ADAM12: variants seen among roughly 807,000 people sequenced by gnomAD.
ADAM12 encodes disintegrin and metalloproteinase domain-containing protein 12.
A neutral mutation model predicts 106.4 loss-of-function variants in ADAM12; 70 were observed. The observed-to-expected ratio is 0.66, with a 90% CI of 0.54 to 0.80. The LOEUF (loss-of-function observed/expected upper bound fraction) is 0.80, where lower values mean the gene tolerates loss of function less well. Among genes scored for constraint, ADAM12 ranks in the 30% least tolerant of loss-of-function variants. The pLI is 0.00. For synonymous variants in ADAM12, 420 were observed against 433.5 expected, an observed-to-expected ratio of 0.97 and a Z score of 0.39; for missense variants, 1,010 against 1,171.9, an observed-to-expected ratio of 0.86 and a Z score of 2.02.
chr10:126,039,656 A>G (rs1238408560), intron 18 of ADAM12, among the ~76,000 whole-genome samples: 2 of 152,228 alleles, frequency 1.3e-5, no homozygotes, highest in African/African-American at 2.4e-5. Flanking sequence ...CTAAACAGGA[A>G]TATATAGTCG....
chr10:126,179,711 G>A (rs762036222), intron 3 of ADAM12, among the ~76,000 whole-genome samples: 49 of 152,136 alleles, frequency 3.2e-4, no homozygotes, highest in Non-Finnish European at 5.6e-4. Context: ...TTAGACCATG[G>A]TTCACATACT....
intron 10 of ADAM12, among the ~76,000 whole-genome samples, chr10:126,097,412 A>G (rs1341059896): frequency 6.6e-6 from 1 of 152,200 alleles, no homozygotes; most frequent in Non-Finnish European, 1.5e-5. Context: ...TACATTAATG[A>G]CCAATCTCTG....
intron 3 of ADAM12, among the ~76,000 whole-genome samples, chr10:126,196,242 A>G (rs1166272149): frequency 6.6e-6 from 1 of 152,268 alleles, no homozygotes; most frequent in Non-Finnish European, 1.5e-5. Context: ...GTTAACTTGC[A>G]GAAGACTGAG....
intron 1 of ADAM12, among the ~76,000 whole-genome samples, chr10:126,364,827 A>C (rs1040501886): frequency 6.6e-6 from 1 of 151,958 alleles, no homozygotes; most frequent in Non-Finnish European, 1.5e-5. Context: ...CCTTCCCTCA[A>C]CTCCTCCCTC....
At chr10:126,208,757 G>A (rs933410975) in intron 3 of ADAM12, among the ~76,000 whole-genome samples, 1 of 151,766 alleles carries the variant, frequency 6.6e-6, no homozygotes, top group Non-Finnish European at 1.5e-5. Flanking sequence ...ACACTTGCAG[G>A]AAAATGCTAT....
intron 3 of ADAM12, among the ~76,000 whole-genome samples, chr10:126,228,344 T>C (rs1958241499): frequency 6.6e-6 from 1 of 152,218 alleles, no homozygotes; most frequent in Non-Finnish European, 1.5e-5. Context: ...ATTAAATGCA[T>C]GATTCCAAGA....
At chr10:126,051,777 G>A (rs1304746264) in intron 14 of ADAM12, among the ~76,000 whole-genome samples, 1 of 152,176 alleles carries the variant, frequency 6.6e-6, no homozygotes, top group Non-Finnish European at 1.5e-5. Flanking sequence ...GGACCAAACT[G>A]GACAAACCTC....
intron 3 of ADAM12, among the ~76,000 whole-genome samples, chr10:126,231,391 GAA>G (rs35139204): frequency 1.3e-4 from 19 of 143,982 alleles, no homozygotes; most frequent in Middle Eastern, 3.6e-3. Context: ...AGATTAGTAG[GAA>G]AAAAAAAAAA....
chr10:126,130,140 C>T (rs1421664032), intron 5 of ADAM12, among the ~76,000 whole-genome samples: 1 of 152,094 alleles, frequency 6.6e-6, no homozygotes, highest in Non-Finnish European at 1.5e-5. Context: ...AATTTTTAAT[C>T]CCCATTTTCT....
At chr10:126,026,565 AAC>A (rs1266788483) in intron 21 of ADAM12, among the ~76,000 whole-genome samples, 2 of 152,204 alleles carry the variant, frequency 1.3e-5, no homozygotes, top group African/African-American at 4.8e-5. Flanking sequence ...CTGAAATCAT[AAC>A]AGTCTGTCAA....
At chr10:126,386,189 T>A (rs1025954544) in intron 1 of ADAM12, among the ~76,000 whole-genome samples, 4 of 151,984 alleles carry the variant, frequency 2.6e-5, no homozygotes, top group Non-Finnish European at 5.9e-5. Flanking sequence ...AGGGAATGAT[T>A]TGCAACTAGA....
chr10:126,266,049 G>T (rs1340698173), intron 3 of ADAM12, among the ~76,000 whole-genome samples: 2 of 152,118 alleles, frequency 1.3e-5, no homozygotes, highest in Non-Finnish European at 2.9e-5. Flanking sequence ...TGGGGGTGGG[G>T]GAGTCTGATA....
At position 126,038,368 on chromosome 10, in the gene ADAM12, C is replaced by A; in HGVS notation, c.2241-19G>T. On this transcript the variant is annotated intron_variant, in intron 19 of 22. Transcript: ENST00000448723. ...CACACACCTGCAACAGAATCCCATA[C>A]CTGCTGACCAAGCGTGTTTCCCCTT... is the stretch of plus-strand genomic sequence containing the variant. The A allele has an allele frequency of 1.9e-6, 3 of 1,539,140 alleles. No homozygotes were observed. Among genetic ancestry groups the A allele is most frequent in the Non-Finnish European group, 2.6e-6 (3 of 1,140,918 alleles).
At chr10:126,371,603 C>A (rs1856116261) in intron 1 of ADAM12, among the ~76,000 whole-genome samples, 1 of 152,208 alleles carries the variant, frequency 6.6e-6, no homozygotes, top group Admixed American at 6.5e-5. Flanking sequence ...TTTAGAGCCA[C>A]AAGGATGTAG....
intron 21 of ADAM12, 29 bp downstream of exon 21, chr10:126,036,117 A>T: frequency 1.5e-6 from 2 of 1,369,374 alleles, no homozygotes; most frequent in Non-Finnish European, 1.9e-6. Flanking sequence ...TTTGAACTAC[A>T]TCCTATCATA....
At chr10:126,186,025 C>A (rs901430359) in intron 3 of ADAM12, among the ~76,000 whole-genome samples, 1 of 152,228 alleles carries the variant, frequency 6.6e-6, no homozygotes, top group African/African-American at 2.4e-5. Flanking sequence ...TCCGGAATGA[C>A]AACCACTCAG....
intron 3 of ADAM12, among the ~76,000 whole-genome samples, chr10:126,191,884 C>T (rs951467484): frequency 6.6e-6 from 1 of 152,140 alleles, no homozygotes; most frequent in African/African-American, 2.4e-5. Context: ...GTACAGGAAG[C>T]ATGGCTGGGA....
At chr10:126,344,788 G>T (rs1288128638) in intron 1 of ADAM12, among the ~76,000 whole-genome samples, 1 of 152,066 alleles carries the variant, frequency 6.6e-6, no homozygotes, top group Non-Finnish European at 1.5e-5. Flanking sequence ...TGAAGCAATT[G>T]TGAATGGGAG....
In ADAM12 at chr10:126,243,489, A is replaced by ATATG. The variant is rs373021962; in HGVS notation, c.260+35425_260+35426insCATA. On this transcript the variant is annotated intron_variant, in intron 3 of 22. Transcript: ENST00000448723. ...GGAGCAACTCTGTGTGTGTGAGTGT[A>ATATG]TGTGTGTGTGTGTGTGTGTGTGTGT... Among the ~76,000 whole-genome samples the ATATG allele has an allele frequency of 2.7e-5, 4 of 146,946 alleles. No homozygotes were observed. The East Asian group carries it at 8.1e-4, about 30-fold the overall frequency.
Sources: gnomAD v4.1 joint callset for allele counts (sites outside exome capture counted in the v4.1 genomes callset) on GRCh38, gnomAD v4.1.1 for gene constraint, MANE v1.5 for transcripts, NCBI Gene and HGNC (gene_info 2026-07-23, HGNC 2026-07-21) for gene names.